PLAUR: variants seen among roughly 807,000 people sequenced by gnomAD.
The protein encoded by PLAUR is plasminogen activator, urokinase receptor.
Under a neutral mutation model 33.4 loss-of-function variants are expected in PLAUR, and 22 were observed. The ratio of observed to expected loss-of-function variants is 0.66; its 90% CI spans 0.47 to 0.94. PLAUR has a LOEUF of 0.94. Among genes scored for constraint, PLAUR ranks in the 40% least tolerant of loss-of-function variants. The pLI is 0.00. For synonymous variants in PLAUR, 148 were observed against 167.3 expected, an observed-to-expected ratio of 0.88 and a Z score of 0.89; for missense variants, 408 against 434.7, an observed-to-expected ratio of 0.94 and a Z score of 0.55.
intron 6 of PLAUR, among the ~76,000 whole-genome samples, chr19:43,650,746 C>T (rs561356774): frequency 2.0e-5 from 3 of 151,986 alleles, no homozygotes; most frequent in Non-Finnish European, 4.4e-5. Flanking sequence ...AAAGATTTCT[C>T]AGTTTTGGCT....
intron 6 of PLAUR, among the ~76,000 whole-genome samples, chr19:43,651,048 G>C (rs1415627335): frequency 6.7e-6 from 1 of 149,080 alleles, no homozygotes; most frequent in Non-Finnish European, 1.5e-5. Context: ...AAAAAAAAAA[G>C]ATTTCTCAGT....
chr19:43,664,577 T>C (rs1328677755), intron 3 of PLAUR, among the ~76,000 whole-genome samples: 1 of 152,258 alleles, frequency 6.6e-6, no homozygotes, highest in African/African-American at 2.4e-5. Flanking sequence ...CCCAAAGTGC[T>C]TGGATTACAG....
At chr19:43,650,408 C>T (rs1973950288) in intron 6 of PLAUR, among the ~76,000 whole-genome samples, 1 of 151,762 alleles carries the variant, frequency 6.6e-6, no homozygotes, top group Admixed American at 6.6e-5. Flanking sequence ...TCACTGCAAC[C>T]TCCACCTCCC....
intron 3 of PLAUR, chr19:43,661,636 A>G (rs1967002548): frequency 6.6e-6 from 1 of 152,128 alleles, no homozygotes; most frequent in Non-Finnish European, 1.5e-5. Context: ...AGCTCGAGCA[A>G]TTCACCTGTC....
chr19:43,669,931 C>T (rs1035559880), intron 1 of PLAUR, 135 bp downstream of exon 1: 31 of 825,472 alleles, frequency 3.8e-5, no homozygotes, highest in Admixed American at 4.9e-5. Context: ...TTGCACAAAG[C>T]ACGAGAATTA....
At chr19:43,669,887 A>T (rs1967450125) in intron 1 of PLAUR, among the ~76,000 whole-genome samples, 179 bp downstream of exon 1, 1 of 151,088 alleles carries the variant, frequency 6.6e-6, no homozygotes, top group South Asian at 2.1e-4. Context: ...ATATTTCCTT[A>T]GCTACTGAGT....
chr19:43,657,490 A>C (rs557217055), intron 3 of PLAUR, among the ~76,000 whole-genome samples: 176 of 152,258 alleles, frequency 1.2e-3, no homozygotes, highest in African/African-American at 4.2e-3. Context: ...AGGCCTTTGC[A>C]TATGCCGTTG....
At chr19:43,655,721 G>A in intron 4 of PLAUR, 148 bp from the exon 5 acceptor site, 2 of 712,154 alleles carry the variant, frequency 2.8e-6, no homozygotes, top group African/African-American at 1.8e-5. Context: ...CATAGATCTT[G>A]TCGAAAACTA....
In PLAUR at chr19:43,649,022, G is replaced by A; in HGVS notation, c.876C>T (p.Gly292=). ...GGACATCCAGGTCTGGGTGGTTACAGCCACTTTTAGTACAGCAGGAGACAT... is the reference window on the plus strand; with the variant it reads ...GGACATCCAGGTCTGGGTGGTTACAACCACTTTTAGTACAGCAGGAGACAT... The part of the protein sequence containing the change: ...HIDVSCCTKS[G]CNHPDLDVQY... Residue 292 remains glycine, a synonymous_variant, in exon 7 of 7, where the codon GGC becomes GGT. Transcript: ENST00000340093. 1 of 1,614,252 alleles carries A rather than the reference G, an allele frequency of 6.2e-7. No homozygotes were observed. Among genetic ancestry groups the A allele is most frequent in the South Asian group, 1.1e-5 (1 of 91,088 alleles).
intron 1 of PLAUR, chr19:43,668,330 G>T: frequency 2.0e-6 from 2 of 986,072 alleles, no homozygotes; most frequent in Non-Finnish European, 2.4e-6. Context: ...ACTAGGTTTT[G>T]GCCCCGCTCC....
At chr19:43,662,522 C>T (rs1284047862) in intron 3 of PLAUR, among the ~76,000 whole-genome samples, 3 of 151,938 alleles carry the variant, frequency 2.0e-5, no homozygotes, top group Non-Finnish European at 4.4e-5. Context: ...TAAATAATTG[C>T]GATCATGACA....
chr19:43,668,486 T>G (rs941840901), intron 1 of PLAUR, among the ~76,000 whole-genome samples: 1 of 149,700 alleles, frequency 6.7e-6, no homozygotes, highest in Non-Finnish European at 1.5e-5. Flanking sequence ...CTTGAGATTC[T>G]AACTTCGCCC....
downstream of PLAUR, among the ~76,000 whole-genome samples, chr19:43,647,487 T>C (rs140562299): frequency 1.4e-4 from 22 of 152,236 alleles, no homozygotes; most frequent in East Asian, 3.5e-3. Flanking sequence ...CAGTGTGTGA[T>C]CTGGAAGCTT....
Position 43,667,690 on chromosome 19 carries a change from G to T in PLAUR, c.57C>A (p.Ala19=), listed in dbSNP as rs760914551. 54 of 1,613,366 alleles carry T rather than the reference G, an allele frequency of 3.3e-5. No homozygotes were observed. Among genetic ancestry groups the T allele is most frequent in the Non-Finnish European group, 4.1e-5 (48 of 1,179,664 alleles). Residue 19 remains alanine (A), a splice_region_variant and synonymous_variant, in exon 2 of 7, where the codon GCC becomes GCA. Transcript: ENST00000340093. ...LLLLLHTCVP[A]SWGLRCMQCK... ...ACTGCATGCACCGCAGGCCCCAAGA[G>T]GCTGGGGGAAGGAGGGAGAGGAGAG...
chr19:43,659,078 C>G (rs948968112), intron 3 of PLAUR, among the ~76,000 whole-genome samples: 1 of 151,980 alleles, frequency 6.6e-6, no homozygotes, highest in African/African-American at 2.4e-5. Context: ...CTAGTTCTGC[C>G]CACTCTGGGT....
At chr19:43,659,586 CCA>C (rs1172007975) in intron 3 of PLAUR, among the ~76,000 whole-genome samples, 1 of 152,180 alleles carries the variant, frequency 6.6e-6, no homozygotes, top group African/African-American at 2.4e-5. Flanking sequence ...TCTCTGAGCT[CCA>C]GACACGCAAC....
At chr19:43,650,236 C>T (rs1487728320) in intron 6 of PLAUR, among the ~76,000 whole-genome samples, 1 of 151,706 alleles carries the variant, frequency 6.6e-6, no homozygotes, top group Non-Finnish European at 1.5e-5. Context: ...GTCTCGAACT[C>T]CTGACCTTGT....
intron 3 of PLAUR, among the ~76,000 whole-genome samples, chr19:43,664,894 A>C (rs1967161785): frequency 6.6e-6 from 1 of 152,212 alleles, no homozygotes; most frequent in African/African-American, 2.4e-5. Context: ...TGTTAAGGGC[A>C]GAGTTGCAAG....
chr19:43,667,566 TG>T lies in PLAUR; in HGVS notation c.166+14del, dbSNP rs1416677766. The T allele has an allele frequency of 1.9e-6, 3 of 1,579,678 alleles. No homozygotes were observed. The highest frequency in any genetic ancestry group is 2.6e-6 in the Non-Finnish European group (3 of 1,148,916). ...TGCTGCGCTGGAGGGGTGTGTGGGT[TG>T]GGGGGAAGCTCACCTTCCCACAAGC... On this transcript the variant is annotated intron_variant, in intron 2 of 6. Transcript: ENST00000340093.
Sources: gnomAD v4.1 joint callset for allele counts (sites outside exome capture counted in the v4.1 genomes callset) on GRCh38, gnomAD v4.1.1 for gene constraint, MANE v1.5 for transcripts, NCBI Gene and HGNC (gene_info 2026-07-23, HGNC 2026-07-21) for gene names.